Variants in JAML observed in about 807,000 individuals in gnomAD.
The protein encoded by JAML is junctional adhesion molecule-like.
Under a neutral mutation model 39.3 loss-of-function variants are expected in JAML, and 25 were observed. The ratio of observed to expected loss-of-function variants is 0.64; its 90% CI spans 0.46 to 0.89. The LOEUF is 0.89. Ranked by LOEUF, JAML falls within the 40% of genes least tolerant of loss-of-function variation. The pLI is 0.00. For synonymous variants in JAML, 162 were observed against 179.2 expected, an observed-to-expected ratio of 0.90 and a Z score of 0.77; for missense variants, 440 against 486.9, an observed-to-expected ratio of 0.90 and a Z score of 0.91.
chr11:118,210,080 A>C (rs747471567), intron 4 of JAML, among the ~76,000 whole-genome samples: 6 of 152,164 alleles, frequency 3.9e-5, no homozygotes, highest in Non-Finnish European at 8.8e-5. Context: ...GTACCTATAA[A>C]ATACAGATGT....
rs768969202 is a variant in JAML at position 118,205,885 on chromosome 11, T to G, written c.531A>C (p.Ala177=). Reference sequence around the variant, plus strand: ...AGTGATGTTTCCTCCTTGTTACCTTTGCGCGCCGTCCTGAAAATATCCATT... The same window carrying G: ...AGTGATGTTTCCTCCTTGTTACCTTGGCGCGCCGTCCTGAAAATATCCATT... ...KVEWIFSGRR[A]KEEIVFRYYH... The change falls in exon 5 of 10, where the codon GCA becomes GCC. Residue 177 remains alanine, a synonymous_variant. Transcript: ENST00000356289. The G allele has an allele frequency of 6.2e-7, 1 of 1,613,704 alleles. No homozygotes were observed. Among genetic ancestry groups the G allele is most frequent in the South Asian group, 1.1e-5 (1 of 91,078 alleles).
At chr11:118,213,028 G>A in intron 2 of JAML, 1 of 1,608,016 alleles carries the variant, frequency 6.2e-7, no homozygotes, top group Non-Finnish European at 8.5e-7. Context: ...CTTTACAAAA[G>A]CATTTGCTGG....
chr11:118,215,857 A>T (rs1949133505), intron 1 of JAML, among the ~76,000 whole-genome samples: 1 of 151,872 alleles, frequency 6.6e-6, no homozygotes, highest in Non-Finnish European at 1.5e-5. Context: ...AAACAGAAGA[A>T]CCCTGACTCT....
In JAML at chr11:118,197,205, T is replaced by C. The variant is rs1011209678; in HGVS notation, c.1006-384A>G. On this transcript the variant is annotated intron_variant, in intron 8 of 9. Coordinates refer to ENST00000356289, the MANE Select transcript of JAML (RefSeq NM_001098526.2). ...CATCATCTCCCTCAGAGGATTTATGTGGCAGGGCCAGCCCTCATTGAACCT... is the reference window on the plus strand; with the variant it reads ...CATCATCTCCCTCAGAGGATTTATGCGGCAGGGCCAGCCCTCATTGAACCT... The C allele has an allele frequency of 4.6e-5, 10 of 218,228 alleles. No individual in the cohort carries two copies. The East Asian group carries it at 1.3e-3, about 29-fold the overall frequency. 13.5% of individuals were successfully genotyped at this position (218,228 alleles called of 1,614,324 possible). A position where few individuals can be genotyped will look rare whatever the true frequency, so the allele number is the denominator to read the frequency against.
At chr11:118,211,524 AG>A (rs1461575748) in intron 3 of JAML, among the ~76,000 whole-genome samples, 5 of 152,186 alleles carry the variant, frequency 3.3e-5, no homozygotes, top group Non-Finnish European at 7.3e-5. Context: ...CTGGGATTAC[AG>A]GCATGAGTTA....
intron 6 of JAML, chr11:118,203,222 C>A: frequency 1.4e-6 from 1 of 711,680 alleles, no homozygotes; most frequent in South Asian, 1.5e-5. Context: ...GCAGCAGGGC[C>A]AGAACTAGGG....
At chr11:118,196,935 G>T in intron 8 of JAML, 114 bp from the exon 9 acceptor site, 1 of 752,442 alleles carries the variant, frequency 1.3e-6, no homozygotes, top group South Asian at 1.5e-5. Flanking sequence ...TGCTGGTTCA[G>T]AGGGTTACTG....
intron 1 of JAML, among the ~76,000 whole-genome samples, chr11:118,221,667 G>T (rs1949211028): frequency 6.6e-6 from 1 of 152,230 alleles, no homozygotes; most frequent in Non-Finnish European, 1.5e-5. Context: ...ACTGCCCAGG[G>T]GTTGGGGACC....
At chr11:118,213,300 A>C (rs1949097163) in intron 2 of JAML, 2 of 1,050,884 alleles carry the variant, frequency 1.9e-6, no homozygotes, top group South Asian at 7.3e-5. Flanking sequence ...AAGAGACAAC[A>C]AAATCAAGAA....
chr11:118,198,145 G>C, intron 7 of JAML, 54 bp from the exon 8 acceptor site: 2 of 1,475,056 alleles, frequency 1.4e-6, no homozygotes, highest in South Asian at 2.3e-5. Flanking sequence ...TTTATTCAAG[G>C]GTCCCTACAT....
chr11:118,199,518 G>C (rs528700606), intron 7 of JAML, among the ~76,000 whole-genome samples: 1 of 152,038 alleles, frequency 6.6e-6, no homozygotes, highest in African/African-American at 2.4e-5. Flanking sequence ...TTCAACAAGG[G>C]AGTCGATCTG....
In JAML at chr11:118,210,535, C is replaced by T; in HGVS notation, c.376G>A (p.Val126Met). Residue 126 changes from valine (V) to methionine (M), a missense_variant, in exon 4 of 10, where the codon GTG becomes ATG. Transcript: ENST00000356289. ...CEIRLKGESQVFKKAVVLHVL... is the reference protein window; with the variant it reads ...CEIRLKGESQMFKKAVVLHVL... ...TGCAGTACCACCGCCTTCTTGAACA[C>T]CTGGCTCTCCCCTTTGAGGCGGATT... is the stretch of plus-strand genomic sequence containing the variant. 1.2e-6 allele frequency: 2 copies of T among 1,614,194 alleles called. No homozygotes were observed. Among genetic ancestry groups the T allele is most frequent in the East Asian group, 2.2e-5 (1 of 44,890 alleles).
At position 118,210,571 on chromosome 11, in the gene JAML, A is replaced by G. The variant is rs751111949; in HGVS notation, c.340T>C (p.Tyr114His). The change falls in exon 4 of 10, where the codon TAT becomes CAT. Residue 114 changes from tyrosine to histidine, a missense_variant. Coordinates refer to ENST00000356289, the MANE Select transcript of JAML (RefSeq NM_001098526.2). The stretch of plus-strand genomic sequence containing the variant: ...CCTTTGAGGCGGATTTCACAGATAT[A>G]GGTTCCCTGGTCAGCCTCTTGCACA... ...QDVQEADQGTYICEIRLKGES... is the reference protein window; with the variant it reads ...QDVQEADQGTHICEIRLKGES... The G allele has an allele frequency of 6.2e-7, 1 of 1,614,196 alleles. No individual in the cohort carries two copies. The highest frequency in any genetic ancestry group is 1.1e-5 in the South Asian group (1 of 91,078).
intron 5 of JAML, chr11:118,204,570 C>G (rs1253720840): frequency 6.6e-6 from 1 of 152,170 alleles, no homozygotes; most frequent in Non-Finnish European, 1.5e-5. Flanking sequence ...TTGCTACTGT[C>G]TATGACTGCA....
rs1466323096 is a variant in JAML, at chr11:118,222,933, A to T, written c.-21+2008T>A. Among the ~76,000 whole-genome samples, 1 of 152,082 alleles carries T rather than the reference A, an allele frequency of 6.6e-6. No individual in the cohort carries two copies. Among genetic ancestry groups the T allele is most frequent in the Non-Finnish European group, 1.5e-5 (1 of 68,006 alleles). On this transcript the variant is annotated intron_variant, in intron 1 of 9. Coordinates refer to ENST00000356289, the MANE Select transcript of JAML (RefSeq NM_001098526.2). This position sits in a 1 kb window ranked among gnomAD's most constrained non-coding sequence, Gnocchi z 4.2. ...AACATGGCAAAACCCCGTCTCTACT[A>T]AAAATACAAAAATTAATCAGGTGTG...
chr11:118,209,129 T>C (rs1948988329), intron 4 of JAML: 2 of 329,510 alleles, frequency 6.1e-6, no homozygotes, highest in Non-Finnish European at 1.2e-5. Context: ...GCAATACTTT[T>C]GAGATTTTTC....
At position 118,198,132 on chromosome 11, in the gene JAML, T is replaced by C. The variant is rs1262273552; in HGVS notation, c.912-41A>G. 1.9e-6 allele frequency: 3 copies of C among 1,565,842 alleles called. No homozygotes were observed. In the African/African-American group the frequency reaches 4.1e-5, roughly 21 times the overall value. The stretch of plus-strand genomic sequence containing the variant: ...AGCATGTGGAATTAACCAGCGGGCA[T>C]GGTTTATTCAAGGGTCCCTACATGA... On this transcript the variant is annotated intron_variant, in intron 7 of 9. Transcript: ENST00000356289.
At chr11:118,216,027 C>A (rs1409895919) in intron 1 of JAML, among the ~76,000 whole-genome samples, 2 of 152,146 alleles carry the variant, frequency 1.3e-5, no homozygotes, top group African/African-American at 2.4e-5. Flanking sequence ...GGTACCCCAC[C>A]CAGCTCTGCT....
chr11:118,223,289 G>A (rs544202360), intron 1 of JAML, among the ~76,000 whole-genome samples: 11 of 152,136 alleles, frequency 7.2e-5, no homozygotes, highest in Admixed American at 2.6e-4. Context: ...GCCAGAATCC[G>A]GGCCCATGTG....
Sources: gnomAD v4.1 joint callset for allele counts (sites outside exome capture counted in the v4.1 genomes callset) on GRCh38, gnomAD v4.1.1 for gene constraint, Gnocchi (gnomAD v3.1) non-coding constraint, MANE v1.5 for transcripts, NCBI Gene and HGNC (gene_info 2026-07-23, HGNC 2026-07-21) for gene names.